The following DIAPH3 variants were observed in gnomAD, a reference collection of about 807,000 sequenced individuals.
DIAPH3 encodes the protein protein diaphanous homolog 3.
DIAPH3 carries 117 observed loss-of-function variants against 144.3 expected under a neutral mutation model. That is an observed-to-expected ratio of 0.81 (90% CI 0.70 to 0.95). The LOEUF is 0.95. DIAPH3 is among the 40% of genes least tolerant of loss of function. The pLI is 0.00. For synonymous variants in DIAPH3, 519 were observed against 488.9 expected (o/e 1.06, Z -0.81); for missense variants, 1,421 against 1,412.7 (o/e 1.01, Z -0.09).
chr13:59,989,192 T>C (rs913358790), intron 12 of DIAPH3, among the ~76,000 whole-genome samples: 2 of 151,616 alleles, frequency 1.3e-5, no homozygotes, highest in East Asian at 1.9e-4. Context: ...CTGAGGTAGA[T>C]GAAACCAAAA....
rs369474994 is a variant in DIAPH3, at chr13:59,891,504, G to A, written c.2368-12036C>T. On this transcript the variant is annotated intron_variant, in intron 20 of 27. Coordinates refer to ENST00000400324, the MANE Select transcript of DIAPH3 (RefSeq NM_001042517.2). ...TAAAATAAAATGCCCCCACTTTTTA[G>A]CAGGAATTTAGTGGGGAAGTGGGGA... Among the ~76,000 whole-genome samples the A allele has an allele frequency of 2.4e-4, 36 of 149,568 alleles. 1 individual carries two copies. The East Asian group carries it at 7.1e-3, about 29-fold the overall frequency.
chr13:59,951,904 A>G (rs1484606581), intron 17 of DIAPH3, among the ~76,000 whole-genome samples: 1 of 152,210 alleles, frequency 6.6e-6, no homozygotes, highest in Non-Finnish European at 1.5e-5. Flanking sequence ...CAGCAATTCC[A>G]ATCCAAAGTA....
intron 27 of DIAPH3, among the ~76,000 whole-genome samples, chr13:59,684,096 A>G (rs941157340): frequency 1.3e-5 from 2 of 151,420 alleles, no homozygotes; most frequent in Non-Finnish European, 1.5e-5. Context: ...TATCTGTGAG[A>G]CTCTGACAAC....
At chr13:60,093,018 T>C (rs896619438) in intron 4 of DIAPH3, among the ~76,000 whole-genome samples, 6 of 152,210 alleles carry the variant, frequency 3.9e-5, no homozygotes, top group Non-Finnish European at 8.8e-5. Context: ...TATTCACAAT[T>C]TGTATGTGAC....
intron 27 of DIAPH3, among the ~76,000 whole-genome samples, chr13:59,713,694 C>T (rs77279219): frequency 0.067 from 10,182 of 152,134 alleles, 454 homozygotes; most frequent in South Asian, 0.18. Flanking sequence ...TACATGGCCA[C>T]GTAACCTAGT....
At chr13:59,792,525 T>A (rs1260521723) in intron 25 of DIAPH3, among the ~76,000 whole-genome samples, 1 of 152,198 alleles carries the variant, frequency 6.6e-6, no homozygotes, top group Non-Finnish European at 1.5e-5. Context: ...CAGGGAGCAA[T>A]CCCTTCTACT....
At chr13:59,950,564 T>C (rs962621778) in intron 17 of DIAPH3, among the ~76,000 whole-genome samples, 17 of 152,114 alleles carry the variant, frequency 1.1e-4, no homozygotes, top group African/African-American at 4.1e-4. Flanking sequence ...AAGGGCACTG[T>C]GGGGTTGAAT....
chr13:60,030,792 C>A (rs1053212359), intron 5 of DIAPH3, among the ~76,000 whole-genome samples: 2 of 152,136 alleles, frequency 1.3e-5, no homozygotes, highest in African/African-American at 4.8e-5. Flanking sequence ...GAATTTAAAT[C>A]CTAATCACAC....
intron 3 of DIAPH3, among the ~76,000 whole-genome samples, chr13:60,108,659 T>C (rs1477595454): frequency 2.0e-5 from 3 of 151,496 alleles, no homozygotes; most frequent in South Asian, 2.1e-4. Flanking sequence ...AACAGAGGCA[T>C]GGAGGGAGAT....
intron 22 of DIAPH3, among the ~76,000 whole-genome samples, chr13:59,847,506 G>A (rs1386142745): frequency 4.6e-5 from 7 of 152,176 alleles, no homozygotes; most frequent in Non-Finnish European, 1.0e-4. Flanking sequence ...GTATTAGTGG[G>A]AGAAGCCCAT....
chr13:60,077,550 A>G (rs1266501116), intron 4 of DIAPH3, among the ~76,000 whole-genome samples: 3 of 152,122 alleles, frequency 2.0e-5, no homozygotes, highest in Non-Finnish European at 4.4e-5. Context: ...TTGCCATAAG[A>G]AAGTATGACT....
intron 17 of DIAPH3, among the ~76,000 whole-genome samples, chr13:59,957,204 G>C (rs2049459766): frequency 6.6e-6 from 1 of 152,108 alleles, no homozygotes; most frequent in African/African-American, 2.4e-5. Context: ...GGAGGGACCA[G>C]GGGTGGAATG....
At chr13:59,808,529 T>C (rs1216441926) in intron 25 of DIAPH3, among the ~76,000 whole-genome samples, 1 of 152,130 alleles carries the variant, frequency 6.6e-6, no homozygotes, top group East Asian at 1.9e-4. Flanking sequence ...TAAGTATGCA[T>C]CAAAAGTCTT....
chr13:60,072,988 T>A (rs1225491024), intron 4 of DIAPH3, among the ~76,000 whole-genome samples: 1 of 152,118 alleles, frequency 6.6e-6, no homozygotes, highest in African/African-American at 2.4e-5. Context: ...ACAATGATAA[T>A]ATATTACTTT....
intron 17 of DIAPH3, among the ~76,000 whole-genome samples, chr13:59,946,921 TG>T (rs2048830661): frequency 1.3e-5 from 2 of 152,188 alleles, no homozygotes; most frequent in African/African-American, 4.8e-5. Context: ...TCAACAACAT[TG>T]TGTCTATTAT....
intron 4 of DIAPH3, among the ~76,000 whole-genome samples, chr13:60,058,727 A>G (rs1048303606): frequency 6.6e-6 from 1 of 152,026 alleles, no homozygotes; most frequent in Non-Finnish European, 1.5e-5. Context: ...TTGGCTATAA[A>G]AAAAGAACAA....
chr13:59,748,734 C>A (rs2036829963), intron 27 of DIAPH3, among the ~76,000 whole-genome samples: 1 of 152,178 alleles, frequency 6.6e-6, no homozygotes, highest in South Asian at 2.1e-4. Context: ...GGATATTCAA[C>A]CAACCTCTAG....
chr13:59,967,369 C>T (rs990611376), intron 17 of DIAPH3, among the ~76,000 whole-genome samples: 3 of 151,896 alleles, frequency 2.0e-5, no homozygotes, highest in African/African-American at 7.3e-5. Flanking sequence ...GCCATTGCAC[C>T]CGGCCATAGT....
At chr13:60,121,263 A>T (rs2138145281) in intron 2 of DIAPH3, among the ~76,000 whole-genome samples, 1 of 152,288 alleles carries the variant, frequency 6.6e-6, no homozygotes, top group African/African-American at 2.4e-5. Flanking sequence ...CATAACTGAA[A>T]GAAATACTAA....
Sources: gnomAD v4.1 joint callset for allele counts (sites outside exome capture counted in the v4.1 genomes callset) on GRCh38, gnomAD v4.1.1 for gene constraint, MANE v1.5 for transcripts, NCBI Gene and HGNC (gene_info 2026-07-23, HGNC 2026-07-21) for gene names.